NEAT1: variants seen among roughly 807,000 people sequenced by gnomAD.
The protein encoded by NEAT1 is nuclear paraspeckle assembly transcript 1.
At chr11:65,443,290 C>G (rs1406223519) in exon 1 of NEAT1, 1 of 152,274 alleles carries the variant, frequency 6.6e-6, no homozygotes, top group African/African-American at 2.4e-5. Flanking sequence ...CTGTGGACTG[C>G]TTGCTGCTTG....
exon 1 of NEAT1, chr11:65,433,077 A>C: frequency 6.6e-6 from 1 of 151,460 alleles, no homozygotes; most frequent in East Asian, 1.9e-4. Context: ...CATGGTGTAG[A>C]GATACCACAT....
exon 1 of NEAT1, chr11:65,425,283 CAG>C (rs1856549965): frequency 1.3e-5 from 2 of 152,240 alleles, no homozygotes; most frequent in East Asian, 1.9e-4. Context: ...ACAGGTGACA[CAG>C]AGTCACCAGT....
At chr11:65,436,110 G>A (rs1217482893) in exon 1 of NEAT1, 1 of 152,248 alleles carries the variant, frequency 6.6e-6, no homozygotes, top group Non-Finnish European at 1.5e-5. Flanking sequence ...CAGGAGCTCA[G>A]GTGTGAGCCC....
exon 1 of NEAT1, chr11:65,437,226 T>TATATAC (rs1555046558): frequency 1.4e-5 from 2 of 141,966 alleles, no homozygotes; most frequent in African/African-American, 5.4e-5. Context: ...TATATATATA[T>TATATAC]ACATATATAT....
exon 1 of NEAT1, chr11:65,442,911 A>G (rs1293504228): frequency 6.6e-6 from 1 of 152,080 alleles, no homozygotes; most frequent in Non-Finnish European, 1.5e-5. Flanking sequence ...CTTATTTCCT[A>G]TATGTTTGTG....
At chr11:65,424,004 C>T (rs1294138932) in exon 1 of NEAT1, 3 of 152,298 alleles carry the variant, frequency 2.0e-5, no homozygotes, top group Non-Finnish European at 4.4e-5. Flanking sequence ...GACATGGAGT[C>T]CCTGGCCAGT....
rs545477433 is a variant in NEAT1 at position 65,439,743 on chromosome 11, C to T, written n.16946C>T. On this transcript the variant is annotated non_coding_transcript_exon_variant, in exon 1 of 1. Transcript: ENST00000501122. Reference sequence around the variant, plus strand: ...TATTCAGTCAGATATGGCAAAAAGTCTCAAGGTGTTAATGTGAATGATTAA... The same window carrying T: ...TATTCAGTCAGATATGGCAAAAAGTTTCAAGGTGTTAATGTGAATGATTAA... 6 of 151,730 alleles carry T rather than the reference C, an allele frequency of 4.0e-5. No homozygotes were observed. In the East Asian group the frequency reaches 1.2e-3, roughly 29 times the overall value. 9.4% of individuals were successfully genotyped at this position (151,730 alleles called of 1,614,324 possible).
At chr11:65,433,974 A>G (rs1023356790) in exon 1 of NEAT1, 1 of 152,092 alleles carries the variant, frequency 6.6e-6, no homozygotes, top group Admixed American at 6.6e-5. Context: ...AATCTGATCT[A>G]AATGTGTTTT....
At chr11:65,437,904 A>G (rs1328503583) in exon 1 of NEAT1, 1 of 152,114 alleles carries the variant, frequency 6.6e-6, no homozygotes, top group Non-Finnish European at 1.5e-5. Context: ...TCCCGTACAC[A>G]CTGTCTTGTT....
exon 1 of NEAT1, chr11:65,440,802 C>CATTG (rs1229544274): frequency 7.5e-6 from 1 of 133,544 alleles, no homozygotes; most frequent in Non-Finnish European, 1.5e-5. Flanking sequence ...GAGACCGCAC[C>CATTG]ATTGCACTCC....
chr11:65,444,698 G>C, exon 1 of NEAT1: 1 of 350,462 alleles, frequency 2.9e-6, no homozygotes, highest in Non-Finnish European at 5.8e-6. Context: ...GAGGGTCCAG[G>C]TGGGCTTTGT....
chr11:65,440,352 C>A (rs1856702364), exon 1 of NEAT1: 1 of 151,648 alleles, frequency 6.6e-6, no homozygotes, highest in Admixed American at 6.6e-5. Flanking sequence ...TGCCTGTAGT[C>A]CTAGTTGCTG....
chr11:65,423,397 G>C (rs2134883598), exon 1 of NEAT1: 1 of 152,236 alleles, frequency 6.6e-6, no homozygotes, highest in African/African-American at 2.4e-5. Flanking sequence ...TGTAATTTTC[G>C]CTCGGCCTGG....
chr11:65,424,814 T>C (rs151283333), exon 1 of NEAT1: 1 of 152,202 alleles, frequency 6.6e-6, no homozygotes, highest in Non-Finnish European at 1.5e-5. Context: ...TGAACTTTAC[T>C]TCGTTAGATT....
chr11:65,444,440 CCT>C (rs1856747012), exon 1 of NEAT1: 1 of 471,988 alleles, frequency 2.1e-6, no homozygotes, highest in Non-Finnish European at 4.4e-6. Flanking sequence ...AGGTTACAGT[CCT>C]CTCTGAGCCT....
chr11:65,425,900 T>C lies in NEAT1; in HGVS notation n.3103T>C, dbSNP rs115282271. On this transcript the variant is annotated non_coding_transcript_exon_variant, in exon 1 of 1. Coordinates refer to ENST00000501122, the Ensembl canonical transcript of NEAT1. Reference sequence around the variant, plus strand: ...ATTTGGTAGACAGAATCCATGTACCTTTGCTAAGGTTAGAATGAATAATTT... The same window carrying C: ...ATTTGGTAGACAGAATCCATGTACCCTTGCTAAGGTTAGAATGAATAATTT... 502 of 152,316 alleles carry C rather than the reference T, an allele frequency of 3.3e-3. 6 individuals carry two copies. Among genetic ancestry groups the C allele is most frequent in the African/African-American group, 0.011 (471 of 41,556 alleles). The allele number at this position is 152,316 out of a possible 1,614,324, so 9.4% of individuals were successfully genotyped here.
exon 1 of NEAT1, chr11:65,441,020 A>G (rs1387498169): frequency 1.3e-5 from 2 of 151,936 alleles, no homozygotes; most frequent in Non-Finnish European, 2.9e-5. Context: ...TCTGTTCCCT[A>G]CTTTGCCACT....
At chr11:65,423,727 T>A (rs1451234713) in exon 1 of NEAT1, 1 of 152,244 alleles carries the variant, frequency 6.6e-6, no homozygotes, top group East Asian at 1.9e-4. Flanking sequence ...TCCATTCACT[T>A]AAAACATTAC....
At chr11:65,445,117 C>T (rs897291127) in exon 1 of NEAT1, 1 of 152,416 alleles carries the variant, frequency 6.6e-6, no homozygotes, top group Non-Finnish European at 1.5e-5. Context: ...GATGTCCTCT[C>T]GAGTTTCCTA....
Sources: gnomAD v4.1 joint callset for allele counts on GRCh38, gnomAD v4.1.1 for gene constraint, MANE v1.5 for transcripts, NCBI Gene and HGNC (gene_info 2026-07-23, HGNC 2026-07-21) for gene names.